The following HPSE2 variants were observed in gnomAD, a reference collection of about 807,000 sequenced individuals.
HPSE2 encodes inactive heparanase-2.
A neutral mutation model predicts 60.5 loss-of-function variants in HPSE2; 38 were observed. The ratio of observed to expected loss-of-function variants is 0.63; its 90% CI spans 0.48 to 0.82. HPSE2 has a LOEUF of 0.82. HPSE2 is among the 40% of genes least tolerant of loss of function. HPSE2 has a pLI of 0.00. For synonymous variants in HPSE2, 295 were observed against 293.2 expected (o/e 1.01, Z -0.06); for missense variants, 713 against 740.4 (o/e 0.96, Z 0.43).
intron 3 of HPSE2, among the ~76,000 whole-genome samples, chr10:98,857,161 C>A (rs1952338046): frequency 6.6e-6 from 1 of 152,048 alleles, no homozygotes; most frequent in Non-Finnish European, 1.5e-5. Flanking sequence ...GGTCTTTGGG[C>A]TAATTCATCA....
the HPSE2 span, among the ~76,000 whole-genome samples, chr10:99,309,187 G>T: frequency 1.3e-5 from 2 of 152,150 alleles, no homozygotes; most frequent in Non-Finnish European, 2.9e-5. Flanking sequence ...AGAAAGAATG[G>T]AGAGTAACTG....
intron 2 of HPSE2, among the ~76,000 whole-genome samples, chr10:99,177,471 C>A (rs1564870795): frequency 6.6e-6 from 1 of 151,910 alleles, no homozygotes; most frequent in Non-Finnish European, 1.5e-5. Context: ...GGGTTGCAAT[C>A]CTAGTATCTC....
chr10:98,512,040 G>A (rs1046527010), intron 9 of HPSE2, among the ~76,000 whole-genome samples: 1 of 152,206 alleles, frequency 6.6e-6, no homozygotes, highest in Non-Finnish European at 1.5e-5. Flanking sequence ...GGAGAGCCAA[G>A]AAGAAATGGA....
intron 3 of HPSE2, among the ~76,000 whole-genome samples, chr10:99,142,177 C>T (rs1447380578): frequency 2.6e-5 from 4 of 152,078 alleles, no homozygotes; most frequent in African/African-American, 9.7e-5. Flanking sequence ...TTGAGAGGTC[C>T]CTGCCCCTTC....
At chr10:99,054,432 T>C (rs1379171825) in intron 3 of HPSE2, among the ~76,000 whole-genome samples, 1 of 152,058 alleles carries the variant, frequency 6.6e-6, no homozygotes. Context: ...CTAGTTTAGA[T>C]CTCCCCTAAA....
intron 3 of HPSE2, among the ~76,000 whole-genome samples, chr10:98,963,943 G>A (rs1469700842): frequency 6.6e-6 from 1 of 152,188 alleles, no homozygotes; most frequent in Middle Eastern, 3.4e-3. Context: ...GAATAGCAGA[G>A]TCTATTATCT....
intron 7 of HPSE2, among the ~76,000 whole-genome samples, chr10:98,639,700 T>C (rs1015505790): frequency 1.1e-4 from 16 of 152,210 alleles, no homozygotes; most frequent in African/African-American, 3.9e-4. Context: ...GCATATGCAG[T>C]GCGGGACGGT....
At chr10:98,838,383 A>AT (rs1951839370) in intron 3 of HPSE2, among the ~76,000 whole-genome samples, 1 of 152,172 alleles carries the variant, frequency 6.6e-6, no homozygotes, top group South Asian at 2.1e-4. Flanking sequence ...AGCTGAATGC[A>AT]TTATATTATT....
chr10:98,722,975 G>C (rs940126202), intron 4 of HPSE2, among the ~76,000 whole-genome samples: 3 of 152,098 alleles, frequency 2.0e-5, no homozygotes, highest in Non-Finnish European at 2.9e-5. Context: ...CTGCCTGATT[G>C]CCCTGGCCAG....
At chr10:99,113,658 T>A (rs148844155) in intron 3 of HPSE2, among the ~76,000 whole-genome samples, 50 of 152,288 alleles carry the variant, frequency 3.3e-4, no homozygotes, top group African/African-American at 1.2e-3. Context: ...ATAATTATGT[T>A]CTGGGCATTA....
intron 2 of HPSE2, among the ~76,000 whole-genome samples, chr10:99,180,039 G>C (rs1847696903): frequency 6.6e-6 from 1 of 152,278 alleles, no homozygotes; most frequent in East Asian, 1.9e-4. Flanking sequence ...AAATGGTGTT[G>C]GGAAAACTGG....
intron 9 of HPSE2, among the ~76,000 whole-genome samples, chr10:98,580,457 T>C (rs1944764227): frequency 2.0e-5 from 3 of 152,136 alleles, no homozygotes; most frequent in Admixed American, 6.6e-5. Context: ...TGTTTTTCTT[T>C]ATGTTCTGTA....
chr10:99,284,474 A>G, the HPSE2 span, among the ~76,000 whole-genome samples: 1 of 152,178 alleles, frequency 6.6e-6, no homozygotes, highest in South Asian at 2.1e-4. Flanking sequence ...CCAGATACAA[A>G]AATTAACTTA....
chr10:99,009,240 CAAAAAAAAAAAAAAAAAA>C (rs56775967), intron 3 of HPSE2, among the ~76,000 whole-genome samples: 1 of 74,422 alleles, frequency 1.3e-5, no homozygotes, highest in Non-Finnish European at 2.2e-5. Context: ...CCAGTGTCTA[CAAAAAAAAAAAAAAAAAA>C]AAAAAAAAAA....
rs1040500636 is a variant in HPSE2 at position 98,471,923 on chromosome 10, G to A, written c.1613+10713C>T. Among the ~76,000 whole-genome samples the A allele has an allele frequency of 4.6e-5, 7 of 152,098 alleles. No individual in the cohort carries two copies. In the East Asian group the frequency reaches 1.4e-3, roughly 29 times the overall value. On this transcript the variant is annotated intron_variant, in intron 11 of 11. Transcript: ENST00000370552. Reference sequence around the variant, plus strand: ...CAAAGAGTGGTTCAAATTCTCTTCAGGCAAGAGGAACTAAGGGAATGAAGA... The same window carrying A: ...CAAAGAGTGGTTCAAATTCTCTTCAAGCAAGAGGAACTAAGGGAATGAAGA...
At chr10:99,273,085 C>T in the HPSE2 span, among the ~76,000 whole-genome samples, 1 of 152,088 alleles carries the variant, frequency 6.6e-6, no homozygotes, top group African/African-American at 2.4e-5. Context: ...TACTACTCAG[C>T]CATAAAAAGG....
At chr10:99,274,330 T>C in the HPSE2 span, among the ~76,000 whole-genome samples, 3 of 152,096 alleles carry the variant, frequency 2.0e-5, no homozygotes, top group Admixed American at 1.3e-4. Context: ...CCTGGGACTC[T>C]GTCTCAAAAT....
intron 3 of HPSE2, among the ~76,000 whole-genome samples, chr10:98,897,082 G>C (rs1257436108): frequency 3.9e-5 from 6 of 152,152 alleles, no homozygotes; most frequent in Non-Finnish European, 8.8e-5. Flanking sequence ...AGTAACTCAG[G>C]TATGGAAAAC....
intron 8 of HPSE2, 130 bp from the exon 9 acceptor site, chr10:98,615,148 A>G (rs531068870): frequency 1.4e-6 from 1 of 695,726 alleles, no homozygotes; most frequent in Admixed American, 2.2e-5. Flanking sequence ...GTACTTTAAA[A>G]AGGGTTATTT....
Sources: gnomAD v4.1 joint callset for allele counts (sites outside exome capture counted in the v4.1 genomes callset) on GRCh38, gnomAD v4.1.1 for gene constraint, MANE v1.5 for transcripts, NCBI Gene and HGNC (gene_info 2026-07-23, HGNC 2026-07-21) for gene names.